DNAJB6: variants seen among roughly 807,000 people sequenced by gnomAD.
DNAJB6 encodes the protein DnaJ heat shock protein family (Hsp40) member B6.
A neutral mutation model predicts 42.7 loss-of-function variants in DNAJB6; 16 were observed. That is an observed-to-expected ratio of 0.37 (90% CI 0.25 to 0.57). The LOEUF (loss-of-function observed/expected upper bound fraction) is 0.57, where lower values mean the gene tolerates loss of function less well. DNAJB6 is among the 20% of genes least tolerant of loss of function. DNAJB6 has a pLI of 0.74. For synonymous variants in DNAJB6, 170 were observed against 163.5 expected (o/e 1.04, Z -0.30); for missense variants, 347 against 416.8 (o/e 0.83, Z 1.46).
intron 2 of DNAJB6, among the ~76,000 whole-genome samples, chr7:157,360,217 A>G (rs1799508330): frequency 6.6e-6 from 1 of 152,188 alleles, no homozygotes; most frequent in African/African-American, 2.4e-5. Context: ...GGCGAAAGAC[A>G]CTTCTTACAT....
At chr7:157,381,149 T>C (rs1800745373) in intron 5 of DNAJB6, 1 of 152,118 alleles carries the variant, frequency 6.6e-6, no homozygotes, top group South Asian at 2.1e-4. Context: ...AATCTCGATT[T>C]CTGCTTGATT....
chr7:157,395,949 T>G (rs1460901478), intron 8 of DNAJB6, among the ~76,000 whole-genome samples: 61 of 108,522 alleles, frequency 5.6e-4, no homozygotes, highest in African/African-American at 9.2e-4. Flanking sequence ...AGCCTGTAAT[T>G]TTTTTTTTTT....
intron 5 of DNAJB6, 102 bp from the exon 6 acceptor site, chr7:157,382,144 C>T: frequency 3.8e-6 from 5 of 1,310,268 alleles, no homozygotes; most frequent in Non-Finnish European, 5.1e-6. Flanking sequence ...TTTTTTGTTC[C>T]TGAATATGTT....
chr7:157,359,830 A>G (rs1019920201), intron 2 of DNAJB6, among the ~76,000 whole-genome samples: 4 of 152,330 alleles, frequency 2.6e-5, no homozygotes, highest in African/African-American at 9.6e-5. Flanking sequence ...AAAAAAGCCA[A>G]GTCAGGATGG....
At chr7:157,367,985 T>C (rs763571452) in intron 5 of DNAJB6, among the ~76,000 whole-genome samples, 1 of 151,584 alleles carries the variant, frequency 6.6e-6, no homozygotes, top group African/African-American at 2.4e-5. Context: ...AAAAATTAGC[T>C]GAGTGTGGTG....
chr7:157,338,457 C>T (rs574445410), intron 1 of DNAJB6, among the ~76,000 whole-genome samples: 2 of 152,258 alleles, frequency 1.3e-5, no homozygotes, highest in African/African-American at 2.4e-5. Context: ...CCTCAGCCTC[C>T]TGAGTAGCTG....
intron 5 of DNAJB6, among the ~76,000 whole-genome samples, chr7:157,374,552 C>T (rs1159650672): frequency 6.6e-6 from 1 of 152,152 alleles, no homozygotes; most frequent in East Asian, 1.9e-4. Context: ...AGCCACCGTG[C>T]CAGGCCGTTC....
intron 8 of DNAJB6, among the ~76,000 whole-genome samples, chr7:157,400,747 C>T (rs1315361635): frequency 6.6e-6 from 1 of 152,084 alleles, no homozygotes; most frequent in Non-Finnish European, 1.5e-5. Context: ...GGTCATGAGG[C>T]GGGGCAGGAA....
chr7:157,409,489 C>G (rs2116645849), intron 8 of DNAJB6, among the ~76,000 whole-genome samples: 1 of 152,364 alleles, frequency 6.6e-6, no homozygotes, highest in East Asian at 1.9e-4. Flanking sequence ...ACCGTGATTT[C>G]AGTGGGGCAC....
At chr7:157,378,070 A>G (rs372607438) in intron 5 of DNAJB6, 1 of 152,192 alleles carries the variant, frequency 6.6e-6, no homozygotes, top group Admixed American at 6.5e-5. Flanking sequence ...TAAATATAAC[A>G]TGCATAGATT....
Position 157,406,360 on chromosome 7 carries a change from G to A in DNAJB6, c.692-3435G>A, listed in dbSNP as rs1795767342. Reference sequence around the variant, plus strand: ...TTCCTGGCACCTCACTAACCATGAGGTTTCACAGGAACCTTGGGGAGTCCC... The same window carrying A: ...TTCCTGGCACCTCACTAACCATGAGATTTCACAGGAACCTTGGGGAGTCCC... On this transcript the variant is annotated intron_variant, in intron 8 of 9. Transcript: ENST00000262177. 1.3e-5 allele frequency among the ~76,000 whole-genome samples: 2 copies of A among 152,234 alleles called. 1 individual carries two copies. The highest frequency in any genetic ancestry group is 1.3e-4 in the Admixed American group (2 of 15,288).
At chr7:157,352,190 G>A (rs1314944699) in intron 1 of DNAJB6, among the ~76,000 whole-genome samples, 3 of 151,920 alleles carry the variant, frequency 2.0e-5, no homozygotes, top group Admixed American at 6.6e-5. Flanking sequence ...TTAGCTAGGC[G>A]TGGTGGTGGG....
At chr7:157,383,786 C>G (rs549629925) in intron 6 of DNAJB6, among the ~76,000 whole-genome samples, 1 of 152,092 alleles carries the variant, frequency 6.6e-6, no homozygotes, top group African/African-American at 2.4e-5. Context: ...CTACTCCTAA[C>G]GGAGATCAGC....
At chr7:157,397,326 A>AC (rs1801638626) in intron 8 of DNAJB6, among the ~76,000 whole-genome samples, 1 of 152,174 alleles carries the variant, frequency 6.6e-6, no homozygotes, top group Non-Finnish European at 1.5e-5. Context: ...GAAGAGCCAG[A>AC]CCCAGTCACG....
At chr7:157,358,468 C>G (rs1009722699) in intron 1 of DNAJB6, 79 bp from the exon 2 acceptor site, 7 of 889,240 alleles carry the variant, frequency 7.9e-6, no homozygotes, top group Non-Finnish European at 1.1e-5. Context: ...ACCCCTTCCT[C>G]CCTCTCCAGA....
rs147905782 is a variant in DNAJB6, at chr7:157,369,844, T to C, written c.346+2361T>C. On this transcript the variant is annotated intron_variant, in intron 5 of 9. Coordinates refer to ENST00000262177, the MANE Select transcript of DNAJB6 (RefSeq NM_058246.4). ...ATTAAACAGGCCTTTCATAACGTTA[T>C]TATTAAACGGGCCCCTTCTTCACAT... 1.9e-3 allele frequency among the ~76,000 whole-genome samples: 277 copies of C among 149,334 alleles called. 9 individuals carry two copies. The East Asian group carries it at 0.042, about 23-fold the overall frequency.
chr7:157,391,931 C>T (rs920234512), intron 8 of DNAJB6, among the ~76,000 whole-genome samples: 5 of 151,626 alleles, frequency 3.3e-5, no homozygotes, highest in Non-Finnish European at 7.4e-5. Context: ...GGTCAAACCA[C>T]GTCTCTACAA....
chr7:157,348,850 T>G (rs1021982097), intron 1 of DNAJB6, among the ~76,000 whole-genome samples: 2 of 152,120 alleles, frequency 1.3e-5, no homozygotes, highest in African/African-American at 4.8e-5. Flanking sequence ...GCGTCCCACA[T>G]GGGCTGTGTG....
chr7:157,392,675 C>T (rs116861841), intron 8 of DNAJB6, among the ~76,000 whole-genome samples: 3,215 of 152,250 alleles, frequency 0.021, 41 homozygotes, highest in East Asian at 0.052. Context: ...GGCCAGTCTT[C>T]GTCGTGCTTT....
Sources: gnomAD v4.1 joint callset for allele counts (sites outside exome capture counted in the v4.1 genomes callset) on GRCh38, gnomAD v4.1.1 for gene constraint, MANE v1.5 for transcripts, NCBI Gene and HGNC (gene_info 2026-07-23, HGNC 2026-07-21) for gene names.